ZFYVE9: variants seen among roughly 807,000 people sequenced by gnomAD.
ZFYVE9 encodes zinc finger FYVE-type containing 9.
ZFYVE9 carries 43 observed loss-of-function variants against 126.7 expected under a neutral mutation model. That is an observed-to-expected ratio of 0.34 (90% CI 0.27 to 0.44). The LOEUF (loss-of-function observed/expected upper bound fraction) is 0.44. Among genes scored for constraint, ZFYVE9 ranks in the 20% least tolerant of loss-of-function variants. The pLI is 1.00. For synonymous variants in ZFYVE9, 521 were observed against 597.4 expected, an observed-to-expected ratio of 0.87 and a Z score of 1.87; for missense variants, 1,476 against 1,697.0, an observed-to-expected ratio of 0.87 and a Z score of 2.29.
At chr1:52,296,551 CTG>C (rs969691297) in intron 12 of ZFYVE9, among the ~76,000 whole-genome samples, 1 of 152,044 alleles carries the variant, frequency 6.6e-6, no homozygotes, top group Non-Finnish European at 1.5e-5. Flanking sequence ...GGTTCTGACT[CTG>C]TTGGCCAAGA....
intron 1 of ZFYVE9, chr1:52,179,852 G>T: frequency 1.5e-6 from 1 of 677,018 alleles, no homozygotes; most frequent in South Asian, 1.6e-5. Context: ...CAAGATGCAG[G>T]ACCCCAACGC....
chr1:52,223,845 C>T (rs1645146046), intron 2 of ZFYVE9, among the ~76,000 whole-genome samples: 1 of 152,112 alleles, frequency 6.6e-6, no homozygotes, highest in South Asian at 2.1e-4. Flanking sequence ...ACATTTTGAA[C>T]AGGAGGGTGT....
chr1:52,180,281 C>T (rs1009984999), intron 1 of ZFYVE9: 8 of 1,599,288 alleles, frequency 5.0e-6, no homozygotes, highest in Non-Finnish European at 6.0e-6. Flanking sequence ...TTATCAAAGC[C>T]ATTTCAACAA....
chr1:52,316,666 A>G lies in ZFYVE9; in HGVS notation c.3438+12741A>G, dbSNP rs989356951. Among the ~76,000 whole-genome samples the G allele has an allele frequency of 3.2e-4, 48 of 152,212 alleles. 1 individual carries two copies. Among genetic ancestry groups the G allele is most frequent in the African/African-American group, 1.1e-3 (44 of 41,460 alleles). ...ATGATACAACAATTTCAAAACATGTATCTAAATAACAGAGCTTCAAAATGC... is the reference window on the plus strand; with the variant it reads ...ATGATACAACAATTTCAAAACATGTGTCTAAATAACAGAGCTTCAAAATGC... On this transcript the variant is annotated intron_variant, in intron 13 of 18. Transcript: ENST00000287727.
chr1:52,284,319 T>C (rs1193002090), intron 10 of ZFYVE9, among the ~76,000 whole-genome samples: 1 of 152,114 alleles, frequency 6.6e-6, no homozygotes, highest in Non-Finnish European at 1.5e-5. Flanking sequence ...GGGATAGGCC[T>C]GTGTGAAGAG....
intron 17 of ZFYVE9, among the ~76,000 whole-genome samples, chr1:52,342,654 G>A (rs904448229): frequency 6.6e-6 from 1 of 151,474 alleles, no homozygotes; most frequent in African/African-American, 2.4e-5. Context: ...TCCTGCCTCA[G>A]CTTTCTGAGT....
At chr1:52,263,623 C>A in intron 4 of ZFYVE9, 150 bp from the exon 5 acceptor site, 1 of 452,732 alleles carries the variant, frequency 2.2e-6, no homozygotes, top group Non-Finnish European at 3.9e-6. Flanking sequence ...TTTGAATTAC[C>A]CAACTTCCTG....
chr1:52,164,183 A>T (rs971881048), intron 1 of ZFYVE9, among the ~76,000 whole-genome samples: 2 of 126,978 alleles, frequency 1.6e-5, no homozygotes, highest in Non-Finnish European at 3.4e-5. Flanking sequence ...TTCTACATTT[A>T]TTGCTTAAAA....
chr1:52,263,469 G>A (rs1645600886), intron 4 of ZFYVE9, among the ~76,000 whole-genome samples: 1 of 152,158 alleles, frequency 6.6e-6, no homozygotes, highest in African/African-American at 2.4e-5. Flanking sequence ...GTGATTGTGT[G>A]CATAGAAATC....
At chr1:52,284,743 C>T (rs1347641568) in intron 10 of ZFYVE9, among the ~76,000 whole-genome samples, 1 of 152,036 alleles carries the variant, frequency 6.6e-6, no homozygotes, top group African/African-American at 2.4e-5. Flanking sequence ...AAAAAGGATA[C>T]TTATATGTCA....
intron 4 of ZFYVE9, among the ~76,000 whole-genome samples, chr1:52,262,777 A>T (rs908188407): frequency 8.5e-5 from 13 of 152,188 alleles, no homozygotes; most frequent in African/African-American, 3.1e-4. Flanking sequence ...TGAGTTCTCA[A>T]GAAAATAAAT....
chr1:52,234,184 CCT>C (rs1490218174), intron 3 of ZFYVE9, among the ~76,000 whole-genome samples: 8 of 152,130 alleles, frequency 5.3e-5, no homozygotes, highest in South Asian at 2.1e-4. Flanking sequence ...CCGTTCTTCC[CCT>C]GTGTTCTCTA....
chr1:52,316,463 C>T (rs1245487571), intron 13 of ZFYVE9, among the ~76,000 whole-genome samples: 4 of 139,860 alleles, frequency 2.9e-5, no homozygotes, highest in Non-Finnish European at 4.5e-5. Context: ...CCAGCCTGGG[C>T]GACAGAGTGA....
At chr1:52,161,247 CAAAG>C (rs919144568) in intron 1 of ZFYVE9, among the ~76,000 whole-genome samples, 4 of 152,206 alleles carry the variant, frequency 2.6e-5, no homozygotes, top group South Asian at 2.1e-4. Context: ...ATAAATTTAA[CAAAG>C]AAATCACACT....
At chr1:52,251,993 T>TG (rs2124648373) in intron 4 of ZFYVE9, 1 of 157,710 alleles carries the variant, frequency 6.3e-6, no homozygotes, top group African/African-American at 2.4e-5. Context: ...GGCATTTTTT[T>TG]TTTTTTTACA....
intron 4 of ZFYVE9, among the ~76,000 whole-genome samples, chr1:52,246,014 A>G (rs1302142701): frequency 1.3e-5 from 2 of 152,094 alleles, no homozygotes; most frequent in Non-Finnish European, 2.9e-5. Context: ...TGCAGCCTCT[A>G]CTTCCTGGGC....
intron 1 of ZFYVE9, among the ~76,000 whole-genome samples, chr1:52,150,961 G>T (rs368275994): frequency 6.6e-6 from 1 of 151,116 alleles, no homozygotes; most frequent in Non-Finnish European, 1.5e-5. Flanking sequence ...CATCATGTAG[G>T]CCTTTTTGTG....
chr1:52,190,922 T>C (rs898894631), intron 1 of ZFYVE9, among the ~76,000 whole-genome samples: 1 of 152,130 alleles, frequency 6.6e-6, no homozygotes, highest in East Asian at 1.9e-4. Context: ...ATATCTATTA[T>C]ATTTTATGGA....
chr1:52,215,261 A>C (rs566730690), intron 1 of ZFYVE9, among the ~76,000 whole-genome samples: 1 of 152,110 alleles, frequency 6.6e-6, no homozygotes, highest in Non-Finnish European at 1.5e-5. Flanking sequence ...TTAGTCCTTT[A>C]TTTAATAGAT....
Sources: gnomAD v4.1 joint callset for allele counts (sites outside exome capture counted in the v4.1 genomes callset) on GRCh38, gnomAD v4.1.1 for gene constraint, MANE v1.5 for transcripts, NCBI Gene and HGNC (gene_info 2026-07-23, HGNC 2026-07-21) for gene names.